Variants in DLG2 observed in about 807,000 individuals in gnomAD.
DLG2 encodes the protein disks large homolog 2.
DLG2 carries 45 observed loss-of-function variants against 132.5 expected under a neutral mutation model. The observed-to-expected ratio is 0.34, with a 90% CI of 0.27 to 0.44. DLG2 has a LOEUF of 0.44. Among genes scored for constraint, DLG2 ranks in the 20% least tolerant of loss-of-function variants. The pLI, the probability that DLG2 is intolerant of heterozygous loss-of-function variation, is 1.00. For missense variants in DLG2, 1,045 were observed against 1,196.9 expected, an observed-to-expected ratio of 0.87 and a Z score of 1.87; for synonymous variants, 424 against 419.6, an observed-to-expected ratio of 1.01 and a Z score of -0.13.
intron 15 of DLG2, among the ~76,000 whole-genome samples, chr11:83,889,452 A>T (rs1165247544): frequency 5.3e-5 from 8 of 152,302 alleles, no homozygotes; most frequent in African/African-American, 1.9e-4. Flanking sequence ...AAAAGTCAGG[A>T]AACAACAGGT....
At chr11:83,858,894 T>C (rs975664810) in intron 16 of DLG2, among the ~76,000 whole-genome samples, 2 of 152,192 alleles carry the variant, frequency 1.3e-5, no homozygotes, top group African/African-American at 4.8e-5. Flanking sequence ...TGCATAAAAA[T>C]GATGATCTAG....
At chr11:83,500,977 A>G (rs968443482) in intron 21 of DLG2, among the ~76,000 whole-genome samples, 1 of 152,150 alleles carries the variant, frequency 6.6e-6, no homozygotes, top group East Asian at 1.9e-4. Flanking sequence ...TCAAAATACT[A>G]TGGCTTATAC....
intron 19 of DLG2, among the ~76,000 whole-genome samples, chr11:83,550,508 CAT>C (rs1390464336): frequency 1.3e-5 from 2 of 152,156 alleles, no homozygotes; most frequent in Non-Finnish European, 2.9e-5. Context: ...AATGTTGACT[CAT>C]AAGTCTCTTA....
At position 85,120,592 on chromosome 11, in the gene DLG2, A is replaced by C. The variant is rs534420082; in HGVS notation, c.283-8857T>G. Among the ~76,000 whole-genome samples the C allele has an allele frequency of 2.6e-4, 40 of 152,192 alleles. 1 individual carries two copies. Among genetic ancestry groups the C allele is most frequent in the African/African-American group, 9.4e-4 (39 of 41,574 alleles). On this transcript the variant is annotated intron_variant, in intron 5 of 27. Coordinates refer to ENST00000376104, the MANE Select transcript of DLG2 (RefSeq NM_001142699.3). ...CCTATTTAGAACTCTATTTAAAAAC[A>C]AATAATTTATTTTATTTTAGGGTAT...
intron 7 of DLG2, among the ~76,000 whole-genome samples, chr11:84,428,631 T>C (rs1567609555): frequency 6.6e-6 from 1 of 152,194 alleles, no homozygotes. Flanking sequence ...CCACCAAGCC[T>C]ATCAGATTCA....
intron 19 of DLG2, among the ~76,000 whole-genome samples, chr11:83,589,477 G>A (rs1290387287): frequency 2.0e-5 from 3 of 151,872 alleles, no homozygotes; most frequent in Non-Finnish European, 4.4e-5. Context: ...CCCTAAAAGA[G>A]CTCCTGAAGG....
chr11:83,949,605 C>G (rs781133982), intron 14 of DLG2, among the ~76,000 whole-genome samples: 3 of 151,988 alleles, frequency 2.0e-5, no homozygotes, highest in Non-Finnish European at 2.9e-5. Context: ...AATGGCAGAG[C>G]CTTTAATTAA....
At chr11:84,735,882 C>G (rs2153817357) in intron 6 of DLG2, among the ~76,000 whole-genome samples, 1 of 151,954 alleles carries the variant, frequency 6.6e-6, no homozygotes, top group East Asian at 1.9e-4. Flanking sequence ...TTATCAGTGT[C>G]TTTTGAATAC....
intron 6 of DLG2, among the ~76,000 whole-genome samples, chr11:84,674,969 G>A (rs923867710): frequency 1.3e-5 from 2 of 152,038 alleles, no homozygotes; most frequent in Non-Finnish European, 2.9e-5. Flanking sequence ...TGTATTGTGG[G>A]AAAATCCTGG....
chr11:83,523,587 C>T (rs1041418958), intron 21 of DLG2, among the ~76,000 whole-genome samples: 5 of 152,104 alleles, frequency 3.3e-5, no homozygotes, highest in Non-Finnish European at 5.9e-5. Context: ...ATCTGCAAAA[C>T]GGGCATATTT....
chr11:84,181,352 T>A (rs113207083), intron 8 of DLG2, among the ~76,000 whole-genome samples: 349 of 151,680 alleles, frequency 2.3e-3, no homozygotes, highest in African/African-American at 7.9e-3. Flanking sequence ...AGAAGAAGTA[T>A]AATTGATATA....
chr11:84,257,737 A>G (rs1437337586), intron 7 of DLG2, among the ~76,000 whole-genome samples: 2 of 130,528 alleles, frequency 1.5e-5, no homozygotes, highest in Non-Finnish European at 1.5e-5. Context: ...TGCAGGCTGG[A>G]GTGCAGTAGT....
intron 14 of DLG2, among the ~76,000 whole-genome samples, chr11:83,940,124 T>C (rs1312690357): frequency 6.6e-6 from 1 of 152,206 alleles, no homozygotes; most frequent in East Asian, 1.9e-4. Context: ...AAGAGATTGT[T>C]GTAGCACTGC....
intron 18 of DLG2, among the ~76,000 whole-genome samples, chr11:83,699,646 C>G (rs1299657075): frequency 4.6e-5 from 7 of 150,742 alleles, no homozygotes; most frequent in Admixed American, 2.6e-4. Context: ...GGAGGTGGAG[C>G]CTGCAGTGAG....
At chr11:84,158,353 G>T (rs1387683591) in intron 9 of DLG2, among the ~76,000 whole-genome samples, 1 of 152,096 alleles carries the variant, frequency 6.6e-6, no homozygotes, top group East Asian at 1.9e-4. Flanking sequence ...ATGAGCCACC[G>T]CCCCTGGCCT....
intron 6 of DLG2, among the ~76,000 whole-genome samples, chr11:84,879,887 A>G (rs2087011115): frequency 6.6e-6 from 1 of 152,184 alleles, no homozygotes; most frequent in Non-Finnish European, 1.5e-5. Context: ...GAATTCTGGC[A>G]CTTAAATAGA....
intron 3 of DLG2, among the ~76,000 whole-genome samples, chr11:85,497,229 C>T (rs984389961): frequency 2.6e-5 from 4 of 151,642 alleles, no homozygotes; most frequent in Non-Finnish European, 5.9e-5. Context: ...TAGAGAAGAA[C>T]TTAAATGACC....
chr11:85,092,897 T>A (rs2069026545), intron 6 of DLG2, among the ~76,000 whole-genome samples: 1 of 152,184 alleles, frequency 6.6e-6, no homozygotes, highest in Non-Finnish European at 1.5e-5. Context: ...TGTCTTGGCC[T>A]CCCAAAGTGC....
rs950824082 is a variant in DLG2, at chr11:84,836,632, T to A, written c.357+275029A>T. Reference sequence around the variant, plus strand: ...TTATTCAAAAATAAGGAAGACAGCTTTTGCCCTCAAGGATCTTACAGGCAA... The same window carrying A: ...TTATTCAAAAATAAGGAAGACAGCTATTGCCCTCAAGGATCTTACAGGCAA... On this transcript the variant is annotated intron_variant, in intron 6 of 27. Coordinates refer to ENST00000376104, the MANE Select transcript of DLG2 (RefSeq NM_001142699.3). 2.0e-4 allele frequency among the ~76,000 whole-genome samples: 31 copies of A among 151,916 alleles called. No homozygotes were observed. In the East Asian group the frequency reaches 3.7e-3, roughly 18 times the overall value.
Sources: gnomAD v4.1 joint callset for allele counts (sites outside exome capture counted in the v4.1 genomes callset) on GRCh38, gnomAD v4.1.1 for gene constraint, MANE v1.5 for transcripts, NCBI Gene and HGNC (gene_info 2026-07-23, HGNC 2026-07-21) for gene names.